DGUOK: variants seen among roughly 807,000 people sequenced by gnomAD.
DGUOK encodes the protein deoxyguanosine kinase, also known as deoxyguanosine kinase, mitochondrial.
A neutral mutation model predicts 36.6 loss-of-function variants in DGUOK; 30 were observed. The observed-to-expected ratio is 0.82, with a 90% CI of 0.61 to 1.11. DGUOK has a LOEUF of 1.11. Ranked by LOEUF, DGUOK falls within the 50% of genes most tolerant of loss-of-function variation. The pLI is 0.00. For synonymous variants in DGUOK, 145 were observed against 126.3 expected (o/e 1.15, Z -0.99); for missense variants, 361 against 336.4 (o/e 1.07, Z -0.57).
chr2:73,938,358 A>C (rs1681635467), intron 1 of DGUOK, among the ~76,000 whole-genome samples: 1 of 152,184 alleles, frequency 6.6e-6, no homozygotes, highest in Non-Finnish European at 1.5e-5. Flanking sequence ...GTTAGTAGTT[A>C]ATTGTGCGTT....
chr2:73,958,667 T>A (rs1342009011), intron 6 of DGUOK, 43 bp from the exon 7 acceptor site: 1 of 1,577,574 alleles, frequency 6.3e-7, no homozygotes, highest in South Asian at 1.1e-5. Flanking sequence ...GAAAATTCTG[T>A]TAAAAATGTG....
intron 4 of DGUOK, among the ~76,000 whole-genome samples, chr2:73,954,129 C>T (rs1013857858): frequency 6.6e-6 from 1 of 151,460 alleles, no homozygotes; most frequent in Non-Finnish European, 1.5e-5. Context: ...ACTGCTTGAG[C>T]CCAGGAGTTT....
intron 3 of DGUOK, among the ~76,000 whole-genome samples, chr2:73,949,557 C>A (rs1682563449): frequency 6.6e-6 from 1 of 152,170 alleles, no homozygotes; most frequent in Non-Finnish European, 1.5e-5. Context: ...CCTGAAGTTA[C>A]ATAGCTAGTG....
At chr2:73,935,589 A>T (rs1459912005) in intron 1 of DGUOK, among the ~76,000 whole-genome samples, 1 of 152,236 alleles carries the variant, frequency 6.6e-6, no homozygotes, top group African/African-American at 2.4e-5. Flanking sequence ...ATTATTCCAC[A>T]TCTGTGGGTG....
chr2:73,947,042 A>C, intron 3 of DGUOK, 136 bp downstream of exon 3: 6 of 856,582 alleles, frequency 7.0e-6, no homozygotes, highest in Non-Finnish European at 1.1e-5. Context: ...AGACAACACT[A>C]TACAGATTTG....
At chr2:73,952,388 G>A (rs781580288) in intron 4 of DGUOK, among the ~76,000 whole-genome samples, 1 of 152,194 alleles carries the variant, frequency 6.6e-6, no homozygotes, top group East Asian at 1.9e-4. Context: ...TGTGGGGAGA[G>A]GAGTCCCCTC....
intron 2 of DGUOK, among the ~76,000 whole-genome samples, chr2:73,942,025 T>G (rs1474143259): frequency 6.6e-6 from 1 of 151,674 alleles, no homozygotes; most frequent in Admixed American, 6.6e-5. Context: ...TCTCCCTGCC[T>G]CAGCCTCCTG....
At chr2:73,945,317 C>A (rs1359928734) in intron 2 of DGUOK, among the ~76,000 whole-genome samples, 3 of 152,184 alleles carry the variant, frequency 2.0e-5, no homozygotes, top group Non-Finnish European at 4.4e-5. Flanking sequence ...ATTCCAGCTT[C>A]GTACATCCTC....
At chr2:73,955,115 A>G (rs1290205628) in intron 4 of DGUOK, among the ~76,000 whole-genome samples, 1 of 152,248 alleles carries the variant, frequency 6.6e-6, no homozygotes, top group African/African-American at 2.4e-5. Context: ...AATTAATAGT[A>G]AATAGAAATA....
intron 1 of DGUOK, among the ~76,000 whole-genome samples, chr2:73,932,392 CCTTCCTTG>C (rs1681117109): frequency 1.3e-5 from 2 of 152,180 alleles, no homozygotes; most frequent in Admixed American, 6.5e-5. Context: ...ACATTCACCA[CCTTCCTTG>C]GGCTCTGACC....
intron 1 of DGUOK, among the ~76,000 whole-genome samples, chr2:73,928,389 A>G (rs191363889): frequency 1.8e-4 from 28 of 152,290 alleles, no homozygotes; most frequent in African/African-American, 6.5e-4. Context: ...CGGCCTCCCA[A>G]AGTGCTGGGA....
chr2:73,952,024 G>T (rs1682741225), intron 4 of DGUOK, among the ~76,000 whole-genome samples: 1 of 152,114 alleles, frequency 6.6e-6, no homozygotes, highest in Admixed American at 6.5e-5. Context: ...TTAAAAATTA[G>T]CTGAGTGTGG....
intron 1 of DGUOK, among the ~76,000 whole-genome samples, chr2:73,929,410 T>A (rs1680847684): frequency 1.3e-5 from 2 of 152,236 alleles, no homozygotes; most frequent in Admixed American, 1.3e-4. Context: ...GTTTTAAGCA[T>A]GTTAGGTTTT....
chr2:73,951,000 A>T (rs756721032), intron 4 of DGUOK, among the ~76,000 whole-genome samples: 10 of 152,112 alleles, frequency 6.6e-5, no homozygotes, highest in Non-Finnish European at 1.5e-4. Flanking sequence ...CATCTTTATG[A>T]TGACGCTTAG....
rs372217661 is a variant in DGUOK, at chr2:73,957,211, C to T, written c.678C>T (p.His226=). 33 of 1,614,034 alleles carry T rather than the reference C, an allele frequency of 2.0e-5. No homozygotes were observed. The highest frequency in any genetic ancestry group is 2.5e-5 in the Non-Finnish European group (29 of 1,179,954). Reference sequence around the variant, plus strand: ...ATCTAGAGCAGCTGCATGGCCAACACGAAGCCTGGCTTATTCACAAGACAA... The same window carrying T: ...ATCTAGAGCAGCTGCATGGCCAACATGAAGCCTGGCTTATTCACAAGACAA... The part of the protein sequence containing the change: ...LAYLEQLHGQ[H]EAWLIHKTTK... Residue 226 remains histidine (H), a synonymous_variant, in exon 5 of 7, where the codon CAC becomes CAT. Transcript: ENST00000264093.
At position 73,946,707 on chromosome 2, in the gene DGUOK, A is replaced by G. The variant is rs368635864; in HGVS notation, c.256-12A>G. On this transcript the variant is annotated splice_polypyrimidine_tract_variant and intron_variant, in intron 2 of 6. Transcript: ENST00000264093. Reference sequence around the variant, plus strand: ...TCTAGGAAATTTTCTTCTTTTTTTCATCTCCCTCTAGGCCTGCACTGCCCA... The same window carrying G: ...TCTAGGAAATTTTCTTCTTTTTTTCGTCTCCCTCTAGGCCTGCACTGCCCA... 2 of 1,612,652 alleles carry G rather than the reference A, an allele frequency of 1.2e-6. No homozygotes were observed. The highest frequency in any genetic ancestry group is 1.7e-6 in the Non-Finnish European group (2 of 1,178,896).
At chr2:73,949,332 A>C (rs981162117) in intron 3 of DGUOK, among the ~76,000 whole-genome samples, 1 of 152,194 alleles carries the variant, frequency 6.6e-6, no homozygotes, top group Admixed American at 6.5e-5. Flanking sequence ...TTACCCTTTT[A>C]TTTGTTCTCA....
In DGUOK at chr2:73,957,164, G is replaced by C; in HGVS notation, c.631G>C (p.Glu211Gln). The change falls in exon 5 of 7, where the codon GAG (glutamate) becomes CAG (glutamine). Residue 211 changes from glutamate (E) to glutamine (Q), a missense_variant. Glu to Gln is a conservative substitution (Grantham distance 29). Coordinates refer to ENST00000264093, the MANE Select transcript of DGUOK (RefSeq NM_080916.3). ...KRLYQRAREE[E>Q]KGIELAYLEQ... ...ACTGTACCAGAGGGCCAGGGAGGAG[G>C]AGAAAGGAATTGAGCTGGCCTATCT... The C allele has an allele frequency of 6.2e-7, 1 of 1,614,154 alleles. No individual in the cohort carries two copies. The highest frequency in any genetic ancestry group is 8.5e-7 in the Non-Finnish European group (1 of 1,180,020).
chr2:73,942,905 T>G (rs1682003395), intron 2 of DGUOK, among the ~76,000 whole-genome samples: 1 of 152,258 alleles, frequency 6.6e-6, no homozygotes, highest in Non-Finnish European at 1.5e-5. Context: ...GATCAAATGT[T>G]GAATTTCCAT....
Sources: gnomAD v4.1 joint callset for allele counts (sites outside exome capture counted in the v4.1 genomes callset) on GRCh38, gnomAD v4.1.1 for gene constraint, MANE v1.5 for transcripts, NCBI Gene and HGNC (gene_info 2026-07-23, HGNC 2026-07-21) for gene names.